Variants in RALYL observed in about 807,000 individuals in gnomAD.
The protein encoded by RALYL is RALY RNA binding protein like.
In RALYL, 29 loss-of-function variants were observed where a neutral mutation model predicts 35.1. The ratio of observed to expected loss-of-function variants is 0.83; its 90% CI spans 0.61 to 1.13. The LOEUF (loss-of-function observed/expected upper bound fraction) is 1.13, where lower values mean the gene tolerates loss of function less well. Among genes scored for constraint, RALYL ranks in the 50% most tolerant of loss-of-function variants. The pLI is 0.00. For missense variants in RALYL, 359 were observed against 360.4 expected (o/e 1.00, Z 0.03); for synonymous variants, 120 against 127.6 (o/e 0.94, Z 0.40).
At chr8:84,450,419 G>T (rs1018872607) in intron 1 of RALYL, among the ~76,000 whole-genome samples, 1 of 151,810 alleles carries the variant, frequency 6.6e-6, no homozygotes, top group Admixed American at 6.6e-5. Context: ...CCTCCAGGCT[G>T]CATGGAAGCT....
intron 1 of RALYL, among the ~76,000 whole-genome samples, chr8:84,399,398 G>A (rs1192661518): frequency 6.6e-6 from 1 of 152,204 alleles, no homozygotes; most frequent in Non-Finnish European, 1.5e-5. Flanking sequence ...CTACCAATAA[G>A]TGCAAACTCA....
At chr8:84,248,893 A>C (rs1413684437) in intron 1 of RALYL, among the ~76,000 whole-genome samples, 1 of 152,146 alleles carries the variant, frequency 6.6e-6, no homozygotes, top group Non-Finnish European at 1.5e-5. Flanking sequence ...TTGATGTTTT[A>C]AAGGTAGCTT....
At chr8:84,366,683 G>C (rs1277568985) in intron 1 of RALYL, among the ~76,000 whole-genome samples, 1 of 138,114 alleles carries the variant, frequency 7.2e-6, no homozygotes, top group Non-Finnish European at 1.5e-5. Context: ...GCTGAGGCAA[G>C]AGAATCGCTT....
chr8:84,657,889 G>A (rs78551806), intron 2 of RALYL, among the ~76,000 whole-genome samples: 1,567 of 152,236 alleles, frequency 0.01, 34 homozygotes, highest in African/African-American at 0.035. Context: ...ATAGATTGCT[G>A]TCCTTTTACT....
chr8:84,298,316 C>A (rs1367003277), intron 1 of RALYL, among the ~76,000 whole-genome samples: 2 of 151,944 alleles, frequency 1.3e-5, no homozygotes, highest in African/African-American at 4.8e-5. Flanking sequence ...CTTGTTTTTG[C>A]TGACTTTGTT....
intron 1 of RALYL, among the ~76,000 whole-genome samples, chr8:84,269,258 T>G (rs1426744814): frequency 6.6e-6 from 1 of 152,196 alleles, no homozygotes; most frequent in African/African-American, 2.4e-5. Flanking sequence ...AATTACCAAC[T>G]AATTAATTTG....
chr8:84,734,397 T>G (rs1846839433), intron 2 of RALYL, among the ~76,000 whole-genome samples: 1 of 152,202 alleles, frequency 6.6e-6, no homozygotes, highest in Admixed American at 6.6e-5. Context: ...GATTAGTTTT[T>G]CTTAAATTTT....
At chr8:84,743,617 T>G (rs767936876) in intron 2 of RALYL, among the ~76,000 whole-genome samples, 1 of 152,062 alleles carries the variant, frequency 6.6e-6, no homozygotes, top group Non-Finnish European at 1.5e-5. Flanking sequence ...TGAGTAGTTT[T>G]ATGCTTTTTG....
At chr8:84,497,636 G>GTTT (rs1275818557) in intron 1 of RALYL, among the ~76,000 whole-genome samples, 3 of 111,592 alleles carry the variant, frequency 2.7e-5, no homozygotes, top group African/African-American at 1.0e-4. Context: ...TGTTGTTTTT[G>GTTT]TTTTTGTTTT....
chr8:84,567,690 T>A (rs1008759114), intron 2 of RALYL, among the ~76,000 whole-genome samples: 1 of 151,354 alleles, frequency 6.6e-6, no homozygotes, highest in African/African-American at 2.4e-5. Context: ...TTTTTTTTTT[T>A]ATAATGATTT....
intron 1 of RALYL, among the ~76,000 whole-genome samples, chr8:84,304,554 TA>T (rs1361051706): frequency 1.3e-5 from 2 of 152,226 alleles, no homozygotes; most frequent in Non-Finnish European, 2.9e-5. Context: ...CTAGCACTTT[TA>T]CATCATATCC....
chr8:84,550,699 A>G (rs1217465033), intron 2 of RALYL, among the ~76,000 whole-genome samples: 1 of 151,896 alleles, frequency 6.6e-6, no homozygotes, highest in East Asian at 1.9e-4. Context: ...AGTCTATTTC[A>G]GAGTATAGCC....
intron 1 of RALYL, among the ~76,000 whole-genome samples, chr8:84,525,532 C>T (rs2058813949): frequency 6.6e-6 from 1 of 151,894 alleles, no homozygotes; most frequent in African/African-American, 2.4e-5. Flanking sequence ...TCATTTTTAT[C>T]AAATTTGGAA....
chr8:84,882,112 G>A (rs947674206), intron 7 of RALYL, among the ~76,000 whole-genome samples: 4 of 151,916 alleles, frequency 2.6e-5, no homozygotes, highest in South Asian at 2.1e-4. Flanking sequence ...ATTATAAACC[G>A]TTTCTTTTTG....
At chr8:84,319,743 T>C (rs1220201298) in intron 1 of RALYL, among the ~76,000 whole-genome samples, 16 of 152,196 alleles carry the variant, frequency 1.1e-4, no homozygotes, top group Admixed American at 9.8e-4. Context: ...GGTGAAGCAA[T>C]TTGAGGTGAA....
chr8:84,522,737 C>A (rs1206899301), intron 1 of RALYL, among the ~76,000 whole-genome samples: 1 of 152,146 alleles, frequency 6.6e-6, no homozygotes, highest in Non-Finnish European at 1.5e-5. Context: ...TAGACTTCAG[C>A]AGATTATAAC....
chr8:84,270,878 A>T lies in RALYL; in HGVS notation c.-24+86454A>T, dbSNP rs542988472. On this transcript the variant is annotated intron_variant, in intron 1 of 8. Coordinates refer to ENST00000521268, the MANE Select transcript of RALYL (RefSeq NM_173848.7). ...ATTAAGGGATCTCATGGGATATTCC[A>T]GTGTCAGCATAAATCATTAGAAGTC... Among the ~76,000 whole-genome samples the T allele has an allele frequency of 1.1e-3, 172 of 152,300 alleles. 2 individuals carry two copies. The highest frequency in any genetic ancestry group is 4.0e-3 in the African/African-American group (168 of 41,570).
intron 1 of RALYL, among the ~76,000 whole-genome samples, chr8:84,420,881 G>A (rs1318405332): frequency 1.9e-5 from 2 of 107,498 alleles, no homozygotes; most frequent in Non-Finnish European, 3.6e-5. Flanking sequence ...ATTTCTGAGG[G>A]CTCTGTTCTG....
intron 3 of RALYL, among the ~76,000 whole-genome samples, chr8:84,792,110 T>C (rs1429913437): frequency 6.6e-6 from 1 of 152,252 alleles, no homozygotes; most frequent in Admixed American, 6.5e-5. Flanking sequence ...TGTGTTACAG[T>C]GCACTCCTTT....
Sources: gnomAD v4.1 joint callset for allele counts (sites outside exome capture counted in the v4.1 genomes callset) on GRCh38, gnomAD v4.1.1 for gene constraint, MANE v1.5 for transcripts, NCBI Gene and HGNC (gene_info 2026-07-23, HGNC 2026-07-21) for gene names.